UMAD1: variants seen among roughly 807,000 people sequenced by gnomAD.
The protein encoded by UMAD1 is UBAP1-MVB12-associated (UMA)-domain containing protein 1.
UMAD1 carries 8 observed loss-of-function variants against 6.1 expected under a neutral mutation model. That is an observed-to-expected ratio of 1.30 (90% CI 0.76 to 2.35). The LOEUF is 2.35. Ranked by LOEUF, UMAD1 falls within the 30% of genes most tolerant of loss-of-function variation. The probability of loss-of-function intolerance (pLI) is 0.00; values close to 1 mark genes in which losing one functional copy is unlikely to be tolerated. For missense variants in UMAD1, 130 were observed against 78.4 expected (o/e 1.66, Z -2.49); for synonymous variants, 56 against 31.4 (o/e 1.78, Z -2.61).
chr7:7,790,364 T>TG (rs1196822049), intron 2 of UMAD1, among the ~76,000 whole-genome samples: 1 of 152,210 alleles, frequency 6.6e-6, no homozygotes, highest in Non-Finnish European at 1.5e-5. Flanking sequence ...ACCTTGCTTT[T>TG]GGGGGGCACA....
chr7:7,734,129 A>C (rs1375225741), intron 2 of UMAD1, among the ~76,000 whole-genome samples: 2 of 152,002 alleles, frequency 1.3e-5, no homozygotes, highest in Admixed American at 6.6e-5. Context: ...GTTCTTTCAG[A>C]GTTACTGCAG....
At chr7:7,824,986 A>AT (rs2115299756) in intron 3 of UMAD1, among the ~76,000 whole-genome samples, 1 of 152,196 alleles carries the variant, frequency 6.6e-6, no homozygotes, top group Non-Finnish European at 1.5e-5. Flanking sequence ...GTAGGCCCAT[A>AT]TAGAGGGGTG....
chr7:7,765,439 A>T (rs1781966110), intron 2 of UMAD1, among the ~76,000 whole-genome samples: 1 of 152,222 alleles, frequency 6.6e-6, no homozygotes, highest in Non-Finnish European at 1.5e-5. Context: ...TCTTATTTAA[A>T]ATTTTATGAA....
chr7:7,791,997 T>C (rs1012599104), intron 2 of UMAD1, among the ~76,000 whole-genome samples: 2 of 152,238 alleles, frequency 1.3e-5, no homozygotes, highest in Non-Finnish European at 1.5e-5. Flanking sequence ...TTTGTAATTC[T>C]TTTTATTAGC....
chr7:7,732,888 C>G (rs1221350057), intron 2 of UMAD1, among the ~76,000 whole-genome samples: 1 of 152,182 alleles, frequency 6.6e-6, no homozygotes, highest in African/African-American at 2.4e-5. Flanking sequence ...TTAAGTTGGT[C>G]ATCTATGAAA....
At chr7:7,847,056 TAA>T (rs756458461) in intron 3 of UMAD1, among the ~76,000 whole-genome samples, 615 of 33,484 alleles carry the variant, frequency 0.018, 31 homozygotes, top group East Asian at 0.11. Context: ...TAGAGTATAA[TAA>T]AAAAAAAAAA....
In UMAD1 at chr7:7,682,877, A is replaced by G. The variant is rs542512007; in HGVS notation, c.82+9424A>G. ...TCATGATGTAGATGCTTGTTTTTCT[A>G]TTAAGAAATGTGGAGTTGTGTGTCT... is the stretch of plus-strand genomic sequence containing the variant. On this transcript the variant is annotated intron_variant, in intron 2 of 3. Transcript: ENST00000682710. Among the ~76,000 whole-genome samples the G allele has an allele frequency of 5.9e-5, 9 of 152,316 alleles. No individual in the cohort carries two copies. In the East Asian group the frequency reaches 9.6e-4, roughly 16 times the overall value.
chr7:7,804,736 C>T (rs775687673), intron 3 of UMAD1, among the ~76,000 whole-genome samples: 9 of 152,168 alleles, frequency 5.9e-5, no homozygotes. Context: ...AATCCCAACA[C>T]TTTGGGAGGC....
At chr7:7,697,181 A>G (rs1429553209) in intron 2 of UMAD1, among the ~76,000 whole-genome samples, 2 of 152,122 alleles carry the variant, frequency 1.3e-5, no homozygotes, top group African/African-American at 4.8e-5. Context: ...CCACTTCTTG[A>G]TGGAATGTGT....
chr7:7,746,971 G>C (rs1028986327), intron 2 of UMAD1, among the ~76,000 whole-genome samples: 1 of 151,902 alleles, frequency 6.6e-6, no homozygotes, highest in African/African-American at 2.4e-5. Context: ...GTGTGTGTGT[G>C]TGTGTGTGTG....
chr7:7,809,012 A>G (rs917772990), intron 3 of UMAD1, among the ~76,000 whole-genome samples: 1 of 151,996 alleles, frequency 6.6e-6, no homozygotes, highest in African/African-American at 2.4e-5. Context: ...AACTTCTGTT[A>G]CCAAAGTAAC....
intron 3 of UMAD1, among the ~76,000 whole-genome samples, chr7:7,844,423 C>T (rs6970202): frequency 0.72 from 109,346 of 151,974 alleles, 39,739 homozygotes; most frequent in Middle Eastern, 0.81. Flanking sequence ...CCTAGTTATG[C>T]CTCTGCTATT....
intron 2 of UMAD1, among the ~76,000 whole-genome samples, chr7:7,791,131 A>G (rs1037992537): frequency 6.6e-6 from 1 of 151,486 alleles, no homozygotes; most frequent in East Asian, 1.9e-4. Flanking sequence ...CAGGTGATGC[A>G]CCCGCCTCAG....
intron 2 of UMAD1, among the ~76,000 whole-genome samples, chr7:7,676,899 T>A (rs558537744): frequency 6.6e-6 from 1 of 152,236 alleles, no homozygotes; most frequent in East Asian, 1.9e-4. Flanking sequence ...AACTCTTTTT[T>A]AAAAAATTGA....
intron 2 of UMAD1, among the ~76,000 whole-genome samples, chr7:7,684,905 C>A (rs1780006008): frequency 6.6e-6 from 1 of 152,174 alleles, no homozygotes; most frequent in Admixed American, 6.5e-5. Flanking sequence ...TTCCATACAA[C>A]ATCTGTAGGG....
intron 2 of UMAD1, among the ~76,000 whole-genome samples, chr7:7,677,144 T>TA (rs1290988667): frequency 2.8e-4 from 42 of 152,300 alleles, no homozygotes; most frequent in Middle Eastern, 3.4e-3. Context: ...TGTATATATT[T>TA]ACAGGGTACA....
At chr7:7,641,688 T>A (rs1784977623) in intron 1 of UMAD1, 1 of 152,120 alleles carries the variant, frequency 6.6e-6, no homozygotes, top group African/African-American at 2.4e-5. Flanking sequence ...TGAGTGCACA[T>A]AAAAATACCT....
intron 3 of UMAD1, among the ~76,000 whole-genome samples, chr7:7,851,273 G>T (rs150908762): frequency 6.6e-6 from 1 of 152,032 alleles, no homozygotes; most frequent in Non-Finnish European, 1.5e-5. Flanking sequence ...ATTCCATTGC[G>T]TGGCTATACC....
chr7:7,815,558 C>T (rs990104472), intron 3 of UMAD1, among the ~76,000 whole-genome samples: 1 of 152,106 alleles, frequency 6.6e-6, no homozygotes, highest in African/African-American at 2.4e-5. Flanking sequence ...ATGTTAAGAC[C>T]AAAGTCCTAT....
Sources: gnomAD v4.1 joint callset for allele counts (sites outside exome capture counted in the v4.1 genomes callset) on GRCh38, gnomAD v4.1.1 for gene constraint, MANE v1.5 for transcripts, NCBI Gene and HGNC (gene_info 2026-07-23, HGNC 2026-07-21) for gene names.